CLCN2: variants seen among roughly 807,000 people sequenced by gnomAD.
CLCN2 encodes the protein chloride voltage-gated channel 2, also known as chloride channel protein 2.
A neutral mutation model predicts 108.3 loss-of-function variants in CLCN2; 72 were observed. That is an observed-to-expected ratio of 0.66 (90% CI 0.55 to 0.81). The LOEUF (loss-of-function observed/expected upper bound fraction) is 0.81, where lower values mean the gene tolerates loss of function less well. Ranked by LOEUF, CLCN2 falls within the 30% of genes least tolerant of loss-of-function variation. The pLI, the probability that CLCN2 is intolerant of heterozygous loss-of-function variation, is 0.00. For missense variants in CLCN2, 1,048 were observed against 1,205.2 expected, an observed-to-expected ratio of 0.87 and a Z score of 1.93; for synonymous variants, 471 against 467.1, an observed-to-expected ratio of 1.01 and a Z score of -0.11.
chr3:184,357,982 C>G lies in CLCN2; in HGVS notation c.595G>C (p.Gly199Arg). The G allele has an allele frequency of 3.1e-6, 5 of 1,614,062 alleles. No homozygotes were observed. The highest frequency in any genetic ancestry group is 4.2e-6 in the Non-Finnish European group (5 of 1,180,044). The change falls in exon 5 of 24, where the codon GGG becomes CGG. Residue 199 changes from glycine to arginine, a missense_variant. Transcript: ENST00000265593. ...VIGLTCALGS[G>R]MPLGKEGPFV... The stretch of plus-strand genomic sequence containing the variant: ...GTTACCTCTTTGCCAAGCGGCATCC[C>G]GCTGCCTAGGGCGCAGGTCAGCCCA...
chr3:184,354,594 C>T lies in CLCN2; in HGVS notation c.1461G>A (p.Thr487=), dbSNP rs144368481. The change falls in exon 14 of 24, where the codon ACG becomes ACA. Residue 487 remains threonine, a synonymous_variant. Transcript: ENST00000265593. ...MAAWFPDGIH[T]DSSTYRIVPG... The stretch of plus-strand genomic sequence containing the variant: ...GCACAATCCGGTAGGTGCTGCTGTC[C>T]GTATGAATTCCATCTGGGAACCAGG... 7.0e-5 allele frequency: 113 copies of T among 1,612,904 alleles called. No homozygotes were observed. Among genetic ancestry groups the T allele is most frequent in the Admixed American group, 3.3e-4 (20 of 59,950 alleles).
At chr3:184,351,965 T>C in intron 22 of CLCN2, 48 bp downstream of exon 22, 2 of 1,367,004 alleles carry the variant, frequency 1.5e-6, no homozygotes, top group Non-Finnish European at 2.1e-6. Flanking sequence ...AGATCCCCAC[T>C]GTGTCCTGAG....
In CLCN2 at chr3:184,361,159, T is replaced by C. The variant is rs968304228; in HGVS notation, c.63+258A>G. On this transcript the variant is annotated intron_variant, in intron 1 of 23. Transcript: ENST00000265593. The surrounding 1 kb of genome is among the most constrained non-coding windows in gnomAD (Gnocchi z 6.6). ...AGGGGAGGTGCAAAGAAAACGTGCA[T>C]GTTGTGGGGTGAGGGGAAGGACACC... is the stretch of plus-strand genomic sequence containing the variant. Among the ~76,000 whole-genome samples the C allele has an allele frequency of 6.6e-6, 1 of 152,090 alleles. No individual in the cohort carries two copies. Among genetic ancestry groups the C allele is most frequent in the African/African-American group, 2.4e-5 (1 of 41,414 alleles).
chr3:184,359,296 C>T (rs1004348480), intron 1 of CLCN2, among the ~76,000 whole-genome samples, 165 bp from the exon 2 acceptor site: 1 of 152,226 alleles, frequency 6.6e-6, no homozygotes, highest in Non-Finnish European at 1.5e-5. Flanking sequence ...ATGCACATTG[C>T]AGACTGTGGA....
rs2228291 is a variant in CLCN2, at chr3:184,357,259, A to G, written c.906T>C (p.Ile302=). The G allele has an allele frequency of 0.25, 404,249 of 1,613,504 alleles. 55,061 individuals are homozygous for G. Among genetic ancestry groups the G allele is most frequent in the African/African-American group, 0.45 (33,693 of 74,886 alleles). ...GGAATCGGGTTTTGAAGAGGGCTGT[A>G]ATAGTCTCTAAAGGGAAGAACAGCA... The part of the protein sequence containing the change: ...LAVWNRDEET[I]TALFKTRFRL... Residue 302 remains isoleucine, a synonymous_variant, in exon 9 of 24, where the codon ATT becomes ATC. Coordinates refer to ENST00000265593, the MANE Select transcript of CLCN2 (RefSeq NM_004366.6).
Position 184,352,770 on chromosome 3 carries a change from G to C in CLCN2, c.2184C>G (p.Phe728Leu), listed in dbSNP as rs752574828. 2 of 1,613,268 alleles carry C rather than the reference G, an allele frequency of 1.2e-6. No homozygotes were observed. Among genetic ancestry groups the C allele is most frequent in the Non-Finnish European group, 1.7e-6 (2 of 1,180,020 alleles). ...ESAGIALRSL[F>L]CGSPPPEAAS... ...CAGCCTCAGGGGGTGGACTGCCACAGAAGAGGCTCCGGAGGGCGATGCCTG... is the reference window on the plus strand; with the variant it reads ...CAGCCTCAGGGGGTGGACTGCCACACAAGAGGCTCCGGAGGGCGATGCCTG... The change falls in exon 19 of 24, where the codon TTC becomes TTG. Residue 728 changes from phenylalanine to leucine, a missense_variant. Physicochemically the swap from Phe to Leu is conservative, Grantham distance 22. Coordinates refer to ENST00000265593, the MANE Select transcript of CLCN2 (RefSeq NM_004366.6).
Position 184,355,418 on chromosome 3 carries a change from G to C in CLCN2, c.1282C>G (p.Arg428Gly). ...PSTSQAWNPP[R>G]ANVFLTLVIF... is the part of the protein sequence containing the mutation. ...ACCAGGGTGAGGAAGACGTTGGCAC[G>C]TGGTGGGTTCCAGGCCTGTGAGGTG... The change falls in exon 12 of 24, where the codon CGT becomes GGT. Residue 428 changes from arginine (R) to glycine (G), a missense_variant. By Grantham distance (125) the Arg-to-Gly change is moderately radical (BLOSUM62 -2). Coordinates refer to ENST00000265593, the MANE Select transcript of CLCN2 (RefSeq NM_004366.6). This position sits in a 1 kb window ranked among gnomAD's most constrained non-coding sequence, Gnocchi z 6.3. The C allele has an allele frequency of 6.2e-7, 1 of 1,613,968 alleles. No individual in the cohort carries two copies. Among genetic ancestry groups the C allele is most frequent in the Non-Finnish European group, 8.5e-7 (1 of 1,180,008 alleles).
chr3:184,358,358 TGCCTG>T (rs1024589019), intron 3 of CLCN2, 48 bp from the exon 4 acceptor site: 2 of 1,611,726 alleles, frequency 1.2e-6, no homozygotes, highest in Non-Finnish European at 1.7e-6. Flanking sequence ...ACCCACTGCC[TGCCTG>T]GCCAGTGGAC....
In CLCN2 at chr3:184,355,033, G is replaced by GCGC. The variant is rs1728442128; in HGVS notation, c.1327-63_1327-61dup. On this transcript the variant is annotated intron_variant, in intron 12 of 23. Coordinates refer to ENST00000265593, the MANE Select transcript of CLCN2 (RefSeq NM_004366.6). The surrounding 1 kb of genome is among the most constrained non-coding windows in gnomAD (Gnocchi z 6.3). ...TCCACCTGGCCCCAGGCAGCCCACA[G>GCGC]CGCCACCCAGGAGAAGTCTACCTCG... The GCGC allele has an allele frequency of 4.7e-6, 7 of 1,497,882 alleles. No homozygotes were observed. Among genetic ancestry groups the GCGC allele is most frequent in the Non-Finnish European group, 4.6e-6 (5 of 1,075,382 alleles). The allele number at this position is 1,497,882 out of a possible 1,614,324, so 92.8% of individuals were successfully genotyped here.
At chr3:184,354,500 G>T in intron 14 of CLCN2, 48 bp downstream of exon 14, 1 of 1,491,698 alleles carries the variant, frequency 6.7e-7, no homozygotes, top group Non-Finnish European at 9.3e-7. Context: ...TGTGGCTGGG[G>T]CGTGGGTGGG....
rs1728464964 is a variant in CLCN2, at chr3:184,355,337, T to C, written c.1326+37A>G. On this transcript the variant is annotated intron_variant, in intron 12 of 23. Coordinates refer to ENST00000265593, the MANE Select transcript of CLCN2 (RefSeq NM_004366.6). This position sits in a 1 kb window ranked among gnomAD's most constrained non-coding sequence, Gnocchi z 6.3. ...GTGGCAGGTGCTTAGAAGGGCAAGC[T>C]ATGTAAAGGTTAGCAGTGTACACGT... 3.7e-6 allele frequency: 6 copies of C among 1,611,578 alleles called. No homozygotes were observed. The highest frequency in any genetic ancestry group is 5.1e-6 in the Non-Finnish European group (6 of 1,178,384).
chr3:184,354,419 C>A, intron 14 of CLCN2, 105 bp from the exon 15 acceptor site: 1 of 1,339,180 alleles, frequency 7.5e-7, no homozygotes, highest in Non-Finnish European at 1.1e-6. Flanking sequence ...CCAATACAGT[C>A]CTGGGATTGG....
intron 10 of CLCN2, chr3:184,356,342 AT>A (rs763483270): frequency 0.01 from 1,667 of 165,962 alleles, 17 homozygotes; most frequent in African/African-American, 0.026. Flanking sequence ...TGTTCTGGAG[AT>A]TAAAAAAAAA....
rs1210803986 is a variant in CLCN2 at position 184,358,218 on chromosome 3, C to T, written c.445G>A (p.Ala149Thr). The T allele has an allele frequency of 6.2e-7, 1 of 1,614,154 alleles. No individual in the cohort carries two copies. Among genetic ancestry groups the T allele is most frequent in the South Asian group, 1.1e-5 (1 of 91,090 alleles). ...GGGGCCAGGATCTGTGTGAATCCGGCTGAGAAAGTGATGAGGACAACAGGG... is the reference window on the plus strand; with the variant it reads ...GGGGCCAGGATCTGTGTGAATCCGGTTGAGAAAGTGATGAGGACAACAGGG... Reference protein sequence around the residue: ...TYPVVLITFSAGFTQILAPQA... With the variant: ...TYPVVLITFSTGFTQILAPQA... The change falls in exon 4 of 24, where the codon GCC becomes ACC. Residue 149 changes from alanine (A) to threonine (T), a missense_variant. Transcript: ENST00000265593.
Position 184,346,657 on chromosome 3 carries a change from A to C in CLCN2, c.2646T>G (p.His882Gln). The change falls in exon 24 of 24, where the codon CAT becomes CAG. Residue 882 changes from histidine (H) to glutamine (Q), a missense_variant. His to Gln is a conservative substitution (Grantham distance 24). Transcript: ENST00000265593. The surrounding 1 kb of genome is among the most constrained non-coding windows in gnomAD (Gnocchi z 6.0). ...AAGGGCTGCCCTCCCGGGGGAGGCCATGACGGGAGTGGGGCCCCCAGAGTG... is the reference window on the plus strand; with the variant it reads ...AAGGGCTGCCCTCCCGGGGGAGGCCCTGACGGGAGTGGGGCCCCCAGAGTG... ...VHALWGPHSR[H>Q]GLPREGSPSD... 6.2e-7 allele frequency: 1 copy of C among 1,614,174 alleles called. No homozygotes were observed. The highest frequency in any genetic ancestry group is 8.5e-7 in the Non-Finnish European group (1 of 1,180,030).
Position 184,358,961 on chromosome 3 carries a change from AC to A in CLCN2, c.220+13del. ...CAGCACAGCCAGGTCCCCTGCCCCCACCCCAGTTCTCACCGCGGCATCGGGC... is the reference window on the plus strand; with the variant it reads ...CAGCACAGCCAGGTCCCCTGCCCCCACCCAGTTCTCACCGCGGCATCGGGC... On this transcript the variant is annotated intron_variant, in intron 2 of 23. Transcript: ENST00000265593. 4 of 1,611,942 alleles carry A rather than the reference AC, an allele frequency of 2.5e-6. No homozygotes were observed. Among genetic ancestry groups the A allele is most frequent in the Non-Finnish European group, 3.4e-6 (4 of 1,179,540 alleles).
intron 13 of CLCN2, 104 bp downstream of exon 13, chr3:184,354,797 GGGC>G (rs1560260306): frequency 7.1e-7 from 1 of 1,401,326 alleles, no homozygotes; most frequent in Non-Finnish European, 1.0e-6. Flanking sequence ...GTCAGGGTTC[GGGC>G]TAGGGCTGGA....
At chr3:184,350,124 T>C (rs1358347530) in intron 22 of CLCN2, among the ~76,000 whole-genome samples, 1 of 152,238 alleles carries the variant, frequency 6.6e-6, no homozygotes, top group African/African-American at 2.4e-5. Flanking sequence ...TCTTCTCTTC[T>C]GATTTTTAAG....
intron 15 of CLCN2, 72 bp from the exon 16 acceptor site, chr3:184,353,867 G>T (rs1728326801): frequency 4.5e-6 from 7 of 1,568,878 alleles, no homozygotes; most frequent in Non-Finnish European, 6.1e-6. Flanking sequence ...CCATCCCAGG[G>T]CCACAAGGAG....
Sources: gnomAD v4.1 joint callset for allele counts (sites outside exome capture counted in the v4.1 genomes callset) on GRCh38, gnomAD v4.1.1 for gene constraint, Gnocchi (gnomAD v3.1) non-coding constraint, MANE v1.5 for transcripts, NCBI Gene and HGNC (gene_info 2026-07-23, HGNC 2026-07-21) for gene names.